NUP210L: variants seen among roughly 807,000 people sequenced by gnomAD.
NUP210L encodes nucleoporin 210 like, also known as nuclear pore membrane glycoprotein 210-like.
In NUP210L, 74 loss-of-function variants were observed where a neutral mutation model predicts 208.5. The ratio of observed to expected loss-of-function variants is 0.35; its 90% confidence interval spans 0.29 to 0.43. The LOEUF (loss-of-function observed/expected upper bound fraction) is 0.43. Ranked by LOEUF, NUP210L falls within the 20% of genes least tolerant of loss-of-function variation. The pLI is 1.00. For synonymous variants in NUP210L, 780 were observed against 816.9 expected (o/e 0.95, Z 0.77); for missense variants, 1,843 against 2,289.4 (o/e 0.81, Z 3.98).
intron 25 of NUP210L, among the ~76,000 whole-genome samples, chr1:154,052,002 G>A (rs1400507093): frequency 6.6e-6 from 1 of 152,220 alleles, no homozygotes; most frequent in Non-Finnish European, 1.5e-5. Flanking sequence ...TAAAATAGCA[G>A]TTGCAAAAGC....
chr1:154,089,551 G>A, exon 16 of NUP210L: 1 of 1,614,160 alleles, frequency 6.2e-7, no homozygotes, highest in Non-Finnish European at 8.5e-7. Flanking sequence ...AGCTGGACTA[G>A]GGTTCAGGAC....
intron 16 of NUP210L, among the ~76,000 whole-genome samples, chr1:154,083,235 C>T (rs1165651145): frequency 6.6e-6 from 1 of 152,116 alleles, no homozygotes; most frequent in Non-Finnish European, 1.5e-5. Flanking sequence ...TTTTACAGAG[C>T]ACTGATTGGT....
At chr1:154,129,394 G>T (rs1209145727) in intron 7 of NUP210L, 49 bp from the exon 8 acceptor site, 1 of 1,110,002 alleles carries the variant, frequency 9.0e-7, no homozygotes, top group Admixed American at 1.9e-5. Flanking sequence ...GGGTGAAAAG[G>T]TGAGGTACCA....
intron 25 of NUP210L, among the ~76,000 whole-genome samples, chr1:154,053,113 C>G (rs1292576710): frequency 6.6e-6 from 1 of 152,218 alleles, no homozygotes; most frequent in Non-Finnish European, 1.5e-5. Context: ...GAAGGACACT[C>G]TGCAAACTTG....
At chr1:153,995,879 C>G in intron 37 of NUP210L, 1 of 565,504 alleles carries the variant, frequency 1.8e-6, no homozygotes, top group Admixed American at 2.0e-5. Flanking sequence ...GTGTTCGTGA[C>G]TGGATCAAGT....
At chr1:154,125,727 AAGGAAGGAAGGGAGGGAGG>A (rs1657900123) in intron 10 of NUP210L, among the ~76,000 whole-genome samples, 2 of 46,614 alleles carry the variant, frequency 4.3e-5, no homozygotes, top group African/African-American at 1.2e-4. Context: ...GGAAGGAAGG[AAGGAAGGAAGGGAGGGAGG>A]GAAATGTTTT....
rs754618166 is a variant in NUP210L, at chr1:154,023,640, GTTAAT to G, written c.4123-348_4123-344del. Among the ~76,000 whole-genome samples the G allele has an allele frequency of 1.8e-3, 281 of 152,050 alleles. 2 individuals carry two copies. Among genetic ancestry groups the G allele is most frequent in the Non-Finnish European group, 3.4e-3 (230 of 67,978 alleles). On this transcript the variant is annotated intron_variant, in intron 30 of 39. Coordinates refer to ENST00000368559, the Ensembl canonical transcript of NUP210L. ...TTACAGGCATCTGCCACCACGCCTG[GTTAAT>G]TTTTCTATTCTTAGTAGAGATGGGG...
intron 16 of NUP210L, among the ~76,000 whole-genome samples, chr1:154,077,656 G>A (rs754131445): frequency 1.4e-4 from 22 of 152,014 alleles, no homozygotes; most frequent in Non-Finnish European, 2.2e-4. Context: ...ATGTATTTTC[G>A]GTTGTAATTA....
In NUP210L at chr1:153,998,944, G is replaced by C. The variant is rs567762924; in HGVS notation, c.5386+1912C>G. Among the ~76,000 whole-genome samples the C allele has an allele frequency of 3.8e-4, 57 of 151,988 alleles. 1 individual carries two copies. The highest frequency in any genetic ancestry group is 3.2e-3 in the Admixed American group (48 of 15,230). ...TTGCTTAGCCTGGTCTTGAACTCCT[G>C]AGCTCAAGTGATCCTCCATCTTAGC... On this transcript the variant is annotated intron_variant, in intron 37 of 39. Coordinates refer to ENST00000368559, the Ensembl canonical transcript of NUP210L.
exon 1 of NUP210L, chr1:154,154,964 C>T: frequency 6.2e-7 from 1 of 1,614,110 alleles, no homozygotes; most frequent in Non-Finnish European, 8.5e-7. Context: ...AAACCAGAAA[C>T]AACAACAGGA....
chr1:154,027,401 TG>T (rs1307270904), intron 29 of NUP210L, 104 bp downstream of exon 29: 2 of 762,902 alleles, frequency 2.6e-6, no homozygotes, highest in African/African-American at 3.5e-5. Context: ...AAAAATTATT[TG>T]GGAAAAATCT....
intron 10 of NUP210L, among the ~76,000 whole-genome samples, chr1:154,125,643 A>C (rs1363276681): frequency 8.7e-4 from 1 of 1,154 alleles, no homozygotes; most frequent in South Asian, 0.026. Context: ...GGAAGGAAGG[A>C]AGGAAGGAAG....
At chr1:154,099,061 A>C (rs959560385) in intron 14 of NUP210L, among the ~76,000 whole-genome samples, 3 of 152,130 alleles carry the variant, frequency 2.0e-5, no homozygotes, top group Non-Finnish European at 4.4e-5. Flanking sequence ...GATTGGCCCA[A>C]CTTTGTTCTG....
intron 11 of NUP210L, among the ~76,000 whole-genome samples, chr1:154,118,257 C>T (rs1229398274): frequency 1.3e-5 from 2 of 151,494 alleles, no homozygotes; most frequent in Non-Finnish European, 2.9e-5. Context: ...TGCAGTGAGC[C>T]GAGATTGCAC....
chr1:154,141,482 C>T, exon 4 of NUP210L: 1 of 1,613,208 alleles, frequency 6.2e-7, no homozygotes. Flanking sequence ...CTGGGCAATG[C>T]TCCACTCAAA....
rs969505624 is a variant in NUP210L, at chr1:154,100,525, T to C, written c.1820-382A>G. On this transcript the variant is annotated intron_variant, in intron 13 of 39. Transcript: ENST00000368559. ...TTAGTTTTTGGCTTTGTTTTTTTTT[T>C]TTTTTTTTTTGAGATGGAGTCTCGC... 2.8e-5 allele frequency among the ~76,000 whole-genome samples: 4 copies of C among 142,974 alleles called. No homozygotes were observed. The South Asian group carries it at 9.1e-4, about 33-fold the overall frequency. 93.8% of individuals were successfully genotyped at this position (142,974 alleles called of 152,430 possible).
chr1:154,152,942 C>T, intron 1 of NUP210L, 70 bp from the exon 2 acceptor site: 2 of 1,379,514 alleles, frequency 1.4e-6, no homozygotes, highest in Non-Finnish European at 2.1e-6. Context: ...AACATAGATT[C>T]TCACACTTCT....
chr1:154,104,078 C>T, exon 13 of NUP210L: 3 of 1,614,090 alleles, frequency 1.9e-6, no homozygotes, highest in Non-Finnish European at 2.5e-6. Flanking sequence ...TGAGAGCAGT[C>T]TGTGAATGCC....
At chr1:154,057,606 TATC>T (rs1434313030) in intron 22 of NUP210L, among the ~76,000 whole-genome samples, 1 of 151,798 alleles carries the variant, frequency 6.6e-6, no homozygotes, top group African/African-American at 2.4e-5. Flanking sequence ...CCCCAAAAGA[TATC>T]ATCCAAGGAG....
Sources: gnomAD v4.1 joint callset for allele counts (sites outside exome capture counted in the v4.1 genomes callset) on GRCh38, gnomAD v4.1.1 for gene constraint, MANE v1.5 for transcripts, NCBI Gene and HGNC (gene_info 2026-07-23, HGNC 2026-07-21) for gene names.